Variants in CDK15 observed in about 807,000 individuals in gnomAD.
CDK15 encodes cyclin-dependent kinase 15.
In CDK15, 62 loss-of-function variants were observed where a neutral mutation model predicts 60.3. The ratio of observed to expected loss-of-function variants is 1.03; its 90% confidence interval spans 0.84 to 1.27. The LOEUF is 1.27. Among genes scored for constraint, CDK15 ranks in the 50% most tolerant of loss-of-function variants. The probability of loss-of-function intolerance (pLI) is 0.00; values close to 1 mark genes in which losing one functional copy is unlikely to be tolerated. For missense variants in CDK15, 541 were observed against 527.8 expected, an observed-to-expected ratio of 1.03 and a Z score of -0.25; for synonymous variants, 194 against 195.7, an observed-to-expected ratio of 0.99 and a Z score of 0.07.
rs776719686 is a variant in CDK15, at chr2:201,890,902, G to A, written c.*8G>A. Reference sequence around the variant, plus strand: ...TTTAGCAAATGCTGGTGAAAAGAAAGGGCGAGATCACCAAGGTTCTTCCAG... The same window carrying A: ...TTTAGCAAATGCTGGTGAAAAGAAAAGGCGAGATCACCAAGGTTCTTCCAG... On this transcript the variant is annotated 3_prime_UTR_variant, in exon 13 of 14. Transcript: ENST00000652192. The A allele has an allele frequency of 1.2e-6, 2 of 1,602,542 alleles. No homozygotes were observed. The highest frequency in any genetic ancestry group is 3.4e-5 in the Admixed American group (2 of 59,594).
intron 7 of CDK15, among the ~76,000 whole-genome samples, chr2:201,834,255 G>C (rs2105740680): frequency 6.6e-6 from 1 of 152,262 alleles, no homozygotes; most frequent in East Asian, 1.9e-4. Context: ...AGAGTAAACT[G>C]TACTTAGTAA....
At chr2:201,889,594 CA>C (rs1699572303) in intron 12 of CDK15, 2 of 201,900 alleles carry the variant, frequency 9.9e-6, no homozygotes, top group Non-Finnish European at 1.8e-5. Flanking sequence ...AGTGAGCATT[CA>C]GGAGTAGCAA....
rs1384763997 is a variant in CDK15, at chr2:201,822,877, A to G, written c.517A>G (p.Thr173Ala). Reference protein sequence around the residue: ...LLHDIIHTKETLTFVFEYMHT... With the variant: ...LLHDIIHTKEALTFVFEYMHT... ...GCATGACATAATCCACACCAAAGAG[A>G]CACTGACATTCGTTTTTGAATACAT... The change falls in exon 5 of 14, where the codon ACA becomes GCA. Residue 173 changes from threonine (T) to alanine (A), a missense_variant. By Grantham distance (58) the Thr-to-Ala change is moderately conservative. Coordinates refer to ENST00000652192, the MANE Select transcript of CDK15 (RefSeq NM_001366386.2). The G allele has an allele frequency of 6.2e-7, 1 of 1,612,000 alleles. No individual in the cohort carries two copies. Among genetic ancestry groups the G allele is most frequent in the Non-Finnish European group, 8.5e-7 (1 of 1,178,164 alleles).
rs1035497815 is a variant in CDK15 at position 201,826,198 on chromosome 2, C to T, written c.606+2471C>T. On this transcript the variant is annotated intron_variant, in intron 6 of 13. Coordinates refer to ENST00000652192, the MANE Select transcript of CDK15 (RefSeq NM_001366386.2). Reference sequence around the variant, plus strand: ...CAGATCGGCCGGGCGCAGTGGCTCACGCCTGTAATCCCAGCACTTTGGGAG... The same window carrying T: ...CAGATCGGCCGGGCGCAGTGGCTCATGCCTGTAATCCCAGCACTTTGGGAG... 3.9e-4 allele frequency among the ~76,000 whole-genome samples: 60 copies of T among 152,270 alleles called. 1 individual carries two copies. Among genetic ancestry groups the T allele is most frequent in the Admixed American group, 1.0e-3 (16 of 15,302 alleles).
intron 6 of CDK15, among the ~76,000 whole-genome samples, chr2:201,832,290 C>G (rs2105735421): frequency 6.6e-6 from 1 of 152,332 alleles, no homozygotes; most frequent in East Asian, 1.9e-4. Flanking sequence ...AGGTGATCCG[C>G]TCGCTTTGGT....
At chr2:201,884,440 C>T (rs1699387107) in intron 12 of CDK15, among the ~76,000 whole-genome samples, 1 of 152,160 alleles carries the variant, frequency 6.6e-6, no homozygotes. Flanking sequence ...TTACCTCTAC[C>T]TTTGATCACA....
At chr2:201,839,768 CT>C (rs1014537746) in intron 8 of CDK15, among the ~76,000 whole-genome samples, 3 of 152,038 alleles carry the variant, frequency 2.0e-5, no homozygotes, top group African/African-American at 7.2e-5. Flanking sequence ...TAAGAGAGTT[CT>C]TTATACTGCT....
At chr2:201,830,461 A>G (rs186979430) in intron 6 of CDK15, among the ~76,000 whole-genome samples, 8 of 152,356 alleles carry the variant, frequency 5.3e-5, no homozygotes, top group Middle Eastern at 3.4e-3. Context: ...AACATTGTGA[A>G]TGACACAATC....
chr2:201,891,994 T>C (rs1699653007), intron 13 of CDK15, among the ~76,000 whole-genome samples: 1 of 152,224 alleles, frequency 6.6e-6, no homozygotes, highest in African/African-American at 2.4e-5. Context: ...CTTCATTCTT[T>C]CTTTTGATCT....
chr2:201,825,011 C>T (rs1351554677), intron 6 of CDK15, among the ~76,000 whole-genome samples: 1 of 152,116 alleles, frequency 6.6e-6, no homozygotes, highest in Non-Finnish European at 1.5e-5. Flanking sequence ...AATTTTTGTA[C>T]ATTTGGAATA....
chr2:201,817,788 T>C (rs1254243861), intron 4 of CDK15, among the ~76,000 whole-genome samples: 3 of 152,202 alleles, frequency 2.0e-5, no homozygotes, highest in African/African-American at 4.8e-5. Flanking sequence ...AGCAAATTCA[T>C]TGTGCATAGT....
intron 4 of CDK15, among the ~76,000 whole-genome samples, chr2:201,821,138 A>G (rs1038245006): frequency 6.6e-6 from 1 of 152,176 alleles, no homozygotes; most frequent in African/African-American, 2.4e-5. Context: ...ACTCCTGGCT[A>G]AATCCCACAG....
At chr2:201,859,104 G>A (rs936263949) in intron 10 of CDK15, among the ~76,000 whole-genome samples, 1 of 152,172 alleles carries the variant, frequency 6.6e-6, no homozygotes, top group African/African-American at 2.4e-5. Context: ...TGCAGTGGGG[G>A]AGGGGAGAGA....
At chr2:201,865,625 C>T (rs767688422) in intron 10 of CDK15, among the ~76,000 whole-genome samples, 5 of 152,104 alleles carry the variant, frequency 3.3e-5, no homozygotes, top group Non-Finnish European at 5.9e-5. Flanking sequence ...TGCAGTGGCT[C>T]ACGCCTTTAA....
chr2:201,824,855 G>T, intron 6 of CDK15: 1 of 606,360 alleles, frequency 1.6e-6, no homozygotes, highest in South Asian at 3.8e-5. Flanking sequence ...AAAACCACAG[G>T]CCCTTCCCCT....
At chr2:201,854,347 C>T (rs1467980060) in intron 9 of CDK15, among the ~76,000 whole-genome samples, 2 of 152,118 alleles carry the variant, frequency 1.3e-5, no homozygotes, top group Non-Finnish European at 2.9e-5. Context: ...GTTTTGGGGT[C>T]ATCTTTAGCC....
chr2:201,846,936 G>T (rs1421428435), intron 8 of CDK15, among the ~76,000 whole-genome samples: 1 of 152,138 alleles, frequency 6.6e-6, no homozygotes, highest in Non-Finnish European at 1.5e-5. Flanking sequence ...ATTTATAACA[G>T]CCCTTTCAAT....
At chr2:201,807,371 G>A (rs1282966265) in intron 1 of CDK15, 123 bp from the exon 2 acceptor site, 5 of 1,000,200 alleles carry the variant, frequency 5.0e-6, no homozygotes, top group Non-Finnish European at 7.2e-6. Context: ...CCTTTTGGGG[G>A]TACAGGAAGC....
At chr2:201,872,432 T>C in intron 11 of CDK15, 106 bp downstream of exon 11, 3 of 1,180,672 alleles carry the variant, frequency 2.5e-6, no homozygotes, top group Non-Finnish European at 3.8e-6. Context: ...AGCACTTCCA[T>C]GTGGGGGCTC....
Sources: gnomAD v4.1 joint callset for allele counts (sites outside exome capture counted in the v4.1 genomes callset) on GRCh38, gnomAD v4.1.1 for gene constraint, MANE v1.5 for transcripts, NCBI Gene and HGNC (gene_info 2026-07-23, HGNC 2026-07-21) for gene names.